Variants in COQ8A observed in about 807,000 individuals in gnomAD.
The protein encoded by COQ8A is coenzyme Q8A.
In COQ8A, 51 loss-of-function variants were observed where a neutral mutation model predicts 65.0. The observed-to-expected ratio is 0.78, with a 90% CI of 0.63 to 0.99. The LOEUF (loss-of-function observed/expected upper bound fraction) is 0.99. Ranked by LOEUF, COQ8A falls within the 50% of genes least tolerant of loss-of-function variation. The pLI is 0.00. For synonymous variants in COQ8A, 371 were observed against 353.2 expected, an observed-to-expected ratio of 1.05 and a Z score of -0.57; for missense variants, 940 against 875.0, an observed-to-expected ratio of 1.07 and a Z score of -0.94.
intron 1 of COQ8A, among the ~76,000 whole-genome samples, chr1:226,944,843 T>C (rs1163001739): frequency 6.6e-6 from 1 of 151,314 alleles, no homozygotes; most frequent in Admixed American, 6.6e-5. Context: ...TCCGGGTCAT[T>C]TGGAAAAGCC....
At chr1:226,976,265 T>G (rs374402094) in intron 4 of COQ8A, among the ~76,000 whole-genome samples, 1 of 117,648 alleles carries the variant, frequency 8.5e-6, no homozygotes, top group South Asian at 2.8e-4. Flanking sequence ...CGATGTTGCC[T>G]GGCTGCGGGG....
intron 4 of COQ8A, among the ~76,000 whole-genome samples, chr1:226,968,443 A>T (rs1038728557): frequency 2.0e-4 from 31 of 152,354 alleles, no homozygotes; most frequent in African/African-American, 7.2e-4. Context: ...TCAGAGACAT[A>T]CATACTATTT....
intron 12 of COQ8A, 24 bp from the exon 13 acceptor site, chr1:226,984,852 T>C: frequency 6.2e-7 from 1 of 1,613,870 alleles, no homozygotes; most frequent in Non-Finnish European, 8.5e-7. Context: ...AGGGCCAAAC[T>C]TCTCCTGGTG....
rs780094357 is a variant in COQ8A, at chr1:226,983,799, G to C, written c.1201G>C (p.Glu401Gln). The C allele has an allele frequency of 2.5e-6, 4 of 1,612,756 alleles. No homozygotes were observed. The highest frequency in any genetic ancestry group is 1.1e-5 in the South Asian group (1 of 91,070). ...GCACCTGATCGACGTGCTGAGGCGG[G>C]AGCTGGCCCTGGAGTGTGACTACCA... is the stretch of plus-strand genomic sequence containing the variant. ...PEHLIDVLRR[E>Q]LALECDYQRE... The change falls in exon 10 of 15, where the codon GAG becomes CAG. Residue 401 changes from glutamate to glutamine, a missense_variant. Coordinates refer to ENST00000366777, the MANE Select transcript of COQ8A (RefSeq NM_020247.5).
At chr1:226,960,264 GGTA>G (rs1386728441) in intron 1 of COQ8A, among the ~76,000 whole-genome samples, 1 of 127,762 alleles carries the variant, frequency 7.8e-6, no homozygotes, top group Non-Finnish European at 1.6e-5. Context: ...TGGTGGTGGT[GGTA>G]CTTGGTGGCG....
rs1558208533 is a variant in COQ8A, at chr1:226,984,206, G to A, written c.1369G>A (p.Glu457Lys). The change falls in exon 11 of 15, where the codon GAA becomes AAA. Residue 457 changes from glutamate (E) to lysine (K), a missense_variant. Physicochemically the swap from Glu to Lys is moderately conservative, Grantham distance 56. Transcript: ENST00000366777. ...LVSGFPLDQAEGLSQEIRNEI... is the reference protein window; with the variant it reads ...LVSGFPLDQAKGLSQEIRNEI... ...GTCTGGCTTCCCCCTGGACCAGGCC[G>A]AAGGGCTCAGCCAGGAGATTCGGAA... The A allele has an allele frequency of 3.1e-6, 5 of 1,613,690 alleles. No homozygotes were observed. Among genetic ancestry groups the A allele is most frequent in the African/African-American group, 1.3e-5 (1 of 74,946 alleles).
chr1:226,983,053 A>G lies in COQ8A; in HGVS notation c.1080+19A>G. 2 of 1,572,798 alleles carry G rather than the reference A, an allele frequency of 1.3e-6. No individual in the cohort carries two copies. The highest frequency in any genetic ancestry group is 2.3e-5 in the South Asian group (2 of 86,142). Reference sequence around the variant, plus strand: ...GATCCAGGTAGGCGGCCTGATGCGCAGTGCCTGTCCCTATGGGGGCTGCAA... The same window carrying G: ...GATCCAGGTAGGCGGCCTGATGCGCGGTGCCTGTCCCTATGGGGGCTGCAA... On this transcript the variant is annotated intron_variant, in intron 8 of 14. Coordinates refer to ENST00000366777, the MANE Select transcript of COQ8A (RefSeq NM_020247.5).
chr1:226,942,378 T>C (rs1003299715), intron 1 of COQ8A, among the ~76,000 whole-genome samples: 2 of 151,868 alleles, frequency 1.3e-5, no homozygotes, highest in Non-Finnish European at 2.9e-5. Flanking sequence ...CCCATGGGCA[T>C]GTACTGTGCC....
At chr1:226,955,014 G>C (rs1303537754) in intron 1 of COQ8A, among the ~76,000 whole-genome samples, 2 of 152,180 alleles carry the variant, frequency 1.3e-5, no homozygotes, top group African/African-American at 2.4e-5. Context: ...GCAGGAGGAA[G>C]CCTCTCTGGT....
chr1:226,984,593 T>G lies in COQ8A; in HGVS notation c.1444T>G (p.Phe482Val). The change falls in exon 12 of 15, where the codon TTC becomes GTC. Residue 482 changes from phenylalanine (F) to valine (V), a missense_variant. By Grantham distance (50) the Phe-to-Val change is conservative. Transcript: ENST00000366777. ...LVLCLRELFE[F>V]HFMQTDPNWS... ...TCTGTGCCTGAGGGAGCTGTTCGAG[T>G]TCCACTTCATGCAAACAGACCCCAA... 1.2e-6 allele frequency: 2 copies of G among 1,614,044 alleles called. No homozygotes were observed. Among genetic ancestry groups the G allele is most frequent in the Non-Finnish European group, 1.7e-6 (2 of 1,179,984 alleles).
intron 1 of COQ8A, among the ~76,000 whole-genome samples, chr1:226,947,654 A>C (rs1657123629): frequency 6.6e-6 from 1 of 152,074 alleles, no homozygotes; most frequent in African/African-American, 2.4e-5. Flanking sequence ...TAAAAATACA[A>C]ACAAATTAGC....
Position 226,964,994 on chromosome 1 carries a change from C to T in COQ8A, c.178-6C>T, listed in dbSNP as rs1231285976. On this transcript the variant is annotated splice_polypyrimidine_tract_variant and splice_region_variant and intron_variant, in intron 2 of 14. Transcript: ENST00000366777. ...CTCTCCTAATGCTGGCCTTTGCTCC[C>T]TGCAGGGTCAGGATAAACATGAAGA... is the stretch of plus-strand genomic sequence containing the variant. 1 of 1,613,692 alleles carries T rather than the reference C, an allele frequency of 6.2e-7. No homozygotes were observed. Among genetic ancestry groups the T allele is most frequent in the Middle Eastern group, 1.6e-4 (1 of 6,084 alleles).
chr1:226,978,246 T>A (rs2148109010), intron 5 of COQ8A, among the ~76,000 whole-genome samples: 1 of 75,066 alleles, frequency 1.3e-5, no homozygotes, highest in Non-Finnish European at 3.0e-5. Flanking sequence ...CACACACACC[T>A]GCTTACACAG....
At chr1:226,977,280 A>G (rs1356069781) in intron 4 of COQ8A, 169 bp from the exon 5 acceptor site, 3 of 614,324 alleles carry the variant, frequency 4.9e-6, no homozygotes, top group African/African-American at 3.7e-5. Flanking sequence ...TCTTAAAACA[A>G]CAGGTGGCAT....
Position 226,982,775 on chromosome 1 carries a change from G to A in COQ8A, c.939+12G>A, listed in dbSNP as rs1659782807. ...TGAAGCAGATGATGGTGAGGAGCCA[G>A]GGGCTCTGCCCACTCTCTGTGGCCT... On this transcript the variant is annotated intron_variant, in intron 7 of 14. Coordinates refer to ENST00000366777, the MANE Select transcript of COQ8A (RefSeq NM_020247.5). The A allele has an allele frequency of 6.2e-7, 1 of 1,613,354 alleles. No individual in the cohort carries two copies. Among genetic ancestry groups the A allele is most frequent in the Non-Finnish European group, 8.5e-7 (1 of 1,179,980 alleles).
rs575734133 is a variant in COQ8A, at chr1:226,948,138, G to T, written c.-10+7739G>T. Among the ~76,000 whole-genome samples the T allele has an allele frequency of 8.5e-5, 13 of 152,340 alleles. No homozygotes were observed. The South Asian group carries it at 2.7e-3, about 32-fold the overall frequency. The stretch of plus-strand genomic sequence containing the variant: ...GATCTTACAGTTCTGGAGGTTAGAA[G>T]TCTGAAATTGGTCTCACTAGGCTAG... On this transcript the variant is annotated intron_variant, in intron 1 of 14. Coordinates refer to ENST00000366777, the MANE Select transcript of COQ8A (RefSeq NM_020247.5).
Position 226,946,964 on chromosome 1 carries a change from G to A in COQ8A, c.-10+6565G>A, listed in dbSNP as rs1221164634. On this transcript the variant is annotated intron_variant, in intron 1 of 14. Transcript: ENST00000366777. This position sits in a 1 kb window ranked among gnomAD's most constrained non-coding sequence, Gnocchi z 5.3. ...AAGATCAAACTGGCTCTGGAACCAA[G>A]CTTTGCCTCTAGTGGGTAGGATCAC... is the stretch of plus-strand genomic sequence containing the variant. 6.6e-6 allele frequency among the ~76,000 whole-genome samples: 1 copy of A among 152,226 alleles called. No individual in the cohort carries two copies. The highest frequency in any genetic ancestry group is 1.5e-5 in the Non-Finnish European group (1 of 68,036).
Position 226,984,956 on chromosome 1 carries a change from G to T in COQ8A, c.1572+15G>T. ...TCTACATTCAGGTAACTGGAGAGGG[G>T]CCCTGGCCTTGGTCCATGTTTTTCT... On this transcript the variant is annotated intron_variant, in intron 13 of 14. Transcript: ENST00000366777. The T allele has an allele frequency of 6.2e-7, 1 of 1,613,858 alleles. No individual in the cohort carries two copies. The highest frequency in any genetic ancestry group is 8.5e-7 in the Non-Finnish European group (1 of 1,179,888).
rs971288789 is a variant in COQ8A, at chr1:226,972,045, T to C, written c.656-5404T>C. On this transcript the variant is annotated intron_variant, in intron 4 of 14. Coordinates refer to ENST00000366777, the MANE Select transcript of COQ8A (RefSeq NM_020247.5). This position sits in a 1 kb window ranked among gnomAD's most constrained non-coding sequence, Gnocchi z 4.3. Reference sequence around the variant, plus strand: ...TGTATTTTCCATGCCTTTTTCCATTTATCCTTCAGTCTTGCAGGTTTAGAG... The same window carrying C: ...TGTATTTTCCATGCCTTTTTCCATTCATCCTTCAGTCTTGCAGGTTTAGAG... 2.0e-4 allele frequency among the ~76,000 whole-genome samples: 31 copies of C among 152,262 alleles called. No individual in the cohort carries two copies. Among genetic ancestry groups the C allele is most frequent in the African/African-American group, 7.5e-4 (31 of 41,470 alleles).
Sources: gnomAD v4.1 joint callset for allele counts (sites outside exome capture counted in the v4.1 genomes callset) on GRCh38, gnomAD v4.1.1 for gene constraint, Gnocchi (gnomAD v3.1) non-coding constraint, MANE v1.5 for transcripts, NCBI Gene and HGNC (gene_info 2026-07-23, HGNC 2026-07-21) for gene names.